Variants in ZNF572 observed in about 807,000 individuals in gnomAD.
The protein encoded by ZNF572 is zinc finger protein 572.
A neutral mutation model predicts 3.8 loss-of-function variants in ZNF572; 2 were observed. The ratio of observed to expected loss-of-function variants is 0.52; its 90% confidence interval spans 0.21 to 1.65. The LOEUF (loss-of-function observed/expected upper bound fraction) is 1.65. Ranked by LOEUF, ZNF572 falls within the 40% of genes most tolerant of loss-of-function variation. The probability of loss-of-function intolerance (pLI) is 0.20; values close to 1 mark genes in which losing one functional copy is unlikely to be tolerated. For synonymous variants in ZNF572, 187 were observed against 204.5 expected, an observed-to-expected ratio of 0.91 and a Z score of 0.73; for missense variants, 581 against 633.4, an observed-to-expected ratio of 0.92 and a Z score of 0.89.
intron 1 of ZNF572, 65 bp downstream of exon 1, chr8:124,973,481 T>C (rs1183645272): frequency 6.6e-6 from 1 of 152,226 alleles, no homozygotes; most frequent in Non-Finnish European, 1.5e-5. Flanking sequence ...AACAGCCCCG[T>C]CCAGGCTGCA....
chr8:124,977,819 C>T lies in ZNF572; in HGVS notation c.1551C>T (p.Pro517=). ...WTWKNCSGEM[P]FISSFSVSNS... ...GGAAAAACTGTTCAGGGGAAATGCC[C>T]TTCATCTCTTCATTTTCCGTCTCAA... The change falls in exon 3 of 3, where the codon CCC becomes CCT. Residue 517 remains proline, a synonymous_variant. Transcript: ENST00000319286. The T allele has an allele frequency of 6.3e-7, 1 of 1,598,700 alleles. No homozygotes were observed. The highest frequency in any genetic ancestry group is 8.5e-7 in the Non-Finnish European group (1 of 1,171,202).
At chr8:124,976,276 C>T in intron 2 of ZNF572, 72 bp from the exon 3 acceptor site, 1 of 1,317,220 alleles carries the variant, frequency 7.6e-7, no homozygotes, top group South Asian at 1.5e-5. Context: ...TTCCTCTCTT[C>T]CACTGCAATT....
chr8:124,975,285 C>A (rs1814493009), intron 1 of ZNF572, among the ~76,000 whole-genome samples: 1 of 152,198 alleles, frequency 6.6e-6, no homozygotes, highest in Admixed American at 6.5e-5. Flanking sequence ...AAAAAAAATA[C>A]TTTGCTTTTT....
rs1256085787 is a variant in ZNF572 at position 124,978,404 on chromosome 8, A to G, written c.*546A>G. 6.6e-6 allele frequency: 1 copy of G among 152,168 alleles called. No individual in the cohort carries two copies. The highest frequency in any genetic ancestry group is 1.5e-5 in the Non-Finnish European group (1 of 68,106). 9.4% of individuals were successfully genotyped at this position (152,168 alleles called of 1,614,324 possible). ...AGTACCATAGCCTCTAGCCGTATGT[A>G]GCTATTTGTATTAAGATTAATTGAA... On this transcript the variant is annotated 3_prime_UTR_variant, in exon 3 of 3. Coordinates refer to ENST00000319286, the MANE Select transcript of ZNF572 (RefSeq NM_152412.3).
In ZNF572 at chr8:124,975,720, G is replaced by C. The variant is rs776414132; in HGVS notation, c.79+1G>C. 1.2e-6 allele frequency: 2 copies of C among 1,612,782 alleles called. No homozygotes were observed. The highest frequency in any genetic ancestry group is 1.7e-6 in the Non-Finnish European group (2 of 1,178,874). On this transcript the variant is annotated splice_donor_variant, in intron 2 of 2. Coordinates refer to ENST00000319286, the MANE Select transcript of ZNF572 (RefSeq NM_152412.3). LOFTEE classifies it high-confidence loss of function. ...GAGAGTTTGAAAAGCCCTTTCACAG[G>C]TGAGGGATCAAGACGATGATCTGAA... is the stretch of plus-strand genomic sequence containing the variant.
Position 124,976,825 on chromosome 8 carries a change from A to C in ZNF572, c.557A>C (p.Lys186Thr), listed in dbSNP as rs768125382. ...CATCTAAGAATGCACACAGGAGAGA[A>C]GCCCTACCAGTGTGGTGAATGTGGG... ...IQHLRMHTGE[K>T]PYQCGECGKS... The change falls in exon 3 of 3, where the codon AAG becomes ACG. Residue 186 changes from lysine to threonine, a missense_variant. Coordinates refer to ENST00000319286, the MANE Select transcript of ZNF572 (RefSeq NM_152412.3). 1 of 1,614,210 alleles carries C rather than the reference A, an allele frequency of 6.2e-7. No homozygotes were observed. Among genetic ancestry groups the C allele is most frequent in the Non-Finnish European group, 8.5e-7 (1 of 1,180,028 alleles).
Position 124,977,040 on chromosome 8 carries a change from G to A in ZNF572, c.772G>A (p.Val258Ile). The change falls in exon 3 of 3, where the codon GTC (valine) becomes ATC (isoleucine). Residue 258 changes from valine to isoleucine, a missense_variant. By Grantham distance (29) the Val-to-Ile change is conservative (BLOSUM62 3). Transcript: ENST00000319286. ...VCGKGFSHSYVLIEHQRTHTG... is the reference protein window; with the variant it reads ...VCGKGFSHSYILIEHQRTHTG... ...CGGAAAAGGCTTCAGTCACAGCTATGTCCTAATAGAACATCAGAGGACTCA... is the reference window on the plus strand; with the variant it reads ...CGGAAAAGGCTTCAGTCACAGCTATATCCTAATAGAACATCAGAGGACTCA... 6.2e-7 allele frequency: 1 copy of A among 1,613,334 alleles called. No homozygotes were observed. Among genetic ancestry groups the A allele is most frequent in the Non-Finnish European group, 8.5e-7 (1 of 1,180,018 alleles).
At position 124,976,555 on chromosome 8, in the gene ZNF572, G is replaced by A; in HGVS notation, c.287G>A (p.Gly96Glu). The change falls in exon 3 of 3, where the codon GGA becomes GAA. Residue 96 changes from glycine to glutamate, a missense_variant. Physicochemically the swap from Gly to Glu is moderately conservative, Grantham distance 98. Transcript: ENST00000319286. ...YESDGKSENW[G>E]NFIAKEEEKP... is the part of the protein sequence containing the mutation. ...AGTGATGGCAAGTCAGAGAATTGGG[G>A]AAATTTTATAGCTAAAGAGGAGGAA... 6.2e-7 allele frequency: 1 copy of A among 1,614,136 alleles called. No homozygotes were observed. Among genetic ancestry groups the A allele is most frequent in the African/African-American group, 1.3e-5 (1 of 75,044 alleles).
chr8:124,974,299 A>C (rs1666539187), intron 1 of ZNF572, among the ~76,000 whole-genome samples: 1 of 152,204 alleles, frequency 6.6e-6, no homozygotes, highest in Non-Finnish European at 1.5e-5. Flanking sequence ...TCAGAGGGTG[A>C]AAAAGGTCAG....
intron 2 of ZNF572, among the ~76,000 whole-genome samples, chr8:124,976,071 T>C (rs75043055): frequency 0.018 from 2,741 of 152,290 alleles, 83 homozygotes; most frequent in African/African-American, 0.063. Flanking sequence ...TTCTCTTAAG[T>C]CTTCTAGAAC....
Position 124,977,124 on chromosome 8 carries a change from A to G in ZNF572, c.856A>G (p.Ser286Gly), listed in dbSNP as rs1471225825. 1.9e-6 allele frequency: 3 copies of G among 1,608,602 alleles called. No individual in the cohort carries two copies. The highest frequency in any genetic ancestry group is 2.7e-5 in the African/African-American group (2 of 74,890). Residue 286 changes from serine to glycine, a missense_variant, in exon 3 of 3, where the codon AGC becomes GGC. Physicochemically the swap from Ser to Gly is moderately conservative, Grantham distance 56. Transcript: ENST00000319286. ...DCGKSFSQSSSLIRHQRTHTG... is the reference protein window; with the variant it reads ...DCGKSFSQSSGLIRHQRTHTG... Reference sequence around the variant, plus strand: ...TGGGAAGAGTTTTAGTCAGAGTTCCAGCCTCATTCGCCACCAGCGGACACA... The same window carrying G: ...TGGGAAGAGTTTTAGTCAGAGTTCCGGCCTCATTCGCCACCAGCGGACACA...
chr8:124,975,908 G>A (rs1392230227), intron 2 of ZNF572, among the ~76,000 whole-genome samples, 189 bp downstream of exon 2: 1 of 152,154 alleles, frequency 6.6e-6, no homozygotes, highest in African/African-American at 2.4e-5. Context: ...TTTAGAATTA[G>A]TGAGATACCG....
Position 124,976,374 on chromosome 8 carries a change from A to G in ZNF572, c.106A>G (p.Thr36Ala). The change falls in exon 3 of 3, where the codon ACT becomes GCT. Residue 36 changes from threonine (T) to alanine (A), a missense_variant. Coordinates refer to ENST00000319286, the MANE Select transcript of ZNF572 (RefSeq NM_152412.3). ...AGATACAAGTATGAATAATTTGGAA[A>G]CTGTTCACCACAATAATTCTAAGGC... ...TGDTSMNNLE[T>A]VHHNNSKADK... 1 of 1,591,212 alleles carries G rather than the reference A, an allele frequency of 6.3e-7. No individual in the cohort carries two copies.
chr8:124,977,395 G>A lies in ZNF572; in HGVS notation c.1127G>A (p.Arg376Lys), dbSNP rs779618916. 6.2e-7 allele frequency: 1 copy of A among 1,614,202 alleles called. No homozygotes were observed. The highest frequency in any genetic ancestry group is 8.5e-7 in the Non-Finnish European group (1 of 1,180,040). Reference sequence around the variant, plus strand: ...AACTGCAATGTGATAGAAGAATGCAGAATCCAGTTAGGAGAGAAACCATAT... The same window carrying A: ...AACTGCAATGTGATAGAAGAATGCAAAATCCAGTTAGGAGAGAAACCATAT... ...GQNCNVIEECRIQLGEKPYRC... is the reference protein window; with the variant it reads ...GQNCNVIEECKIQLGEKPYRC... Residue 376 changes from arginine (R) to lysine (K), a missense_variant, in exon 3 of 3, where the codon AGA (arginine) becomes AAA (lysine). Arg to Lys is a conservative substitution (Grantham distance 26, BLOSUM62 2). Coordinates refer to ENST00000319286, the MANE Select transcript of ZNF572 (RefSeq NM_152412.3).
rs554359247 is a variant in ZNF572, at chr8:124,977,129, C to T, written c.861C>T (p.Leu287=). The T allele has an allele frequency of 1.2e-5, 19 of 1,608,496 alleles. No individual in the cohort carries two copies. The African/African-American group carries it at 2.0e-4, about 17-fold the overall frequency. Residue 287 remains leucine (L), a synonymous_variant, in exon 3 of 3, where the codon CTC becomes CTT. Coordinates refer to ENST00000319286, the MANE Select transcript of ZNF572 (RefSeq NM_152412.3). ...CGKSFSQSSS[L]IRHQRTHTGE... ...AGAGTTTTAGTCAGAGTTCCAGCCT[C>T]ATTCGCCACCAGCGGACACACACAG...
In ZNF572 at chr8:124,977,184, GA is replaced by G; in HGVS notation, c.922del (p.Ser308AlafsTer8). 5.6e-6 allele frequency: 9 copies of G among 1,610,392 alleles called. No individual in the cohort carries two copies. Among genetic ancestry groups the G allele is most frequent in the Non-Finnish European group, 7.6e-6 (9 of 1,179,974 alleles). On this transcript the variant is annotated frameshift_variant, in exon 3 of 3. Coordinates refer to ENST00000319286, the MANE Select transcript of ZNF572 (RefSeq NM_152412.3). LOFTEE classifies it low-confidence loss of function (END_TRUNC). ...GEKPYKCLEC[E>X]KSFGCNSTLI... is the part of the protein sequence containing the mutation. Reference sequence around the variant, plus strand: ...GAAGCCCTACAAATGTCTTGAGTGTGAAAAAAGCTTTGGTTGTAATTCTACT... The same window carrying G: ...GAAGCCCTACAAATGTCTTGAGTGTGAAAAAGCTTTGGTTGTAATTCTACT...
rs2129827104 is a variant in ZNF572 at position 124,977,402 on chromosome 8, G to A, written c.1134G>A (p.Gln378=). The change falls in exon 3 of 3, where the codon CAG becomes CAA. Residue 378 remains glutamine, a synonymous_variant. Coordinates refer to ENST00000319286, the MANE Select transcript of ZNF572 (RefSeq NM_152412.3). ...NCNVIEECRI[Q]LGEKPYRCCE... ...ATGTGATAGAAGAATGCAGAATCCA[G>A]TTAGGAGAGAAACCATATAGATGTT... 1 of 1,614,144 alleles carries A rather than the reference G, an allele frequency of 6.2e-7. No homozygotes were observed. Among genetic ancestry groups the A allele is most frequent in the South Asian group, 1.1e-5 (1 of 91,086 alleles).
chr8:124,976,558 A>G lies in ZNF572; in HGVS notation c.290A>G (p.Asn97Ser). The G allele has an allele frequency of 2.5e-6, 4 of 1,614,172 alleles. No homozygotes were observed. The highest frequency in any genetic ancestry group is 1.3e-5 in the African/African-American group (1 of 75,060). Residue 97 changes from asparagine to serine, a missense_variant, in exon 3 of 3, where the codon AAT becomes AGT. Asn to Ser is a conservative substitution (Grantham distance 46). Transcript: ENST00000319286. The part of the protein sequence containing the change: ...ESDGKSENWG[N>S]FIAKEEEKPN... ...GATGGCAAGTCAGAGAATTGGGGAA[A>G]TTTTATAGCTAAAGAGGAGGAAAAA...
chr8:124,973,637 C>G (rs942387468), intron 1 of ZNF572, among the ~76,000 whole-genome samples: 2 of 152,186 alleles, frequency 1.3e-5, no homozygotes, highest in Non-Finnish European at 2.9e-5. Flanking sequence ...ACTTCACCCC[C>G]CAGCGTCTCC....
Sources: allele counts gnomAD v4.1 joint callset (sites outside exome capture counted in the v4.1 genomes callset), GRCh38; gene constraint gnomAD v4.1.1; transcripts MANE v1.5; gene names NCBI Gene and HGNC (gene_info 2026-07-23, HGNC 2026-07-21).